Variants in SUDS3 observed in about 807,000 individuals in gnomAD.
The protein encoded by SUDS3 is sin3 histone deacetylase corepressor complex component SDS3.
A neutral mutation model predicts 53.5 loss-of-function variants in SUDS3; 23 were observed. The observed-to-expected ratio is 0.43, with a 90% CI of 0.31 to 0.61. The LOEUF is 0.61. Among genes scored for constraint, SUDS3 ranks in the 20% least tolerant of loss-of-function variants. The pLI, the probability that SUDS3 is intolerant of heterozygous loss-of-function variation, is 0.10. For missense variants in SUDS3, 291 were observed against 405.9 expected (o/e 0.72, Z 2.43); for synonymous variants, 150 against 148.5 (o/e 1.01, Z -0.08).
At chr12:118,381,955 A>G (rs1183339479) in intron 2 of SUDS3, among the ~76,000 whole-genome samples, 1 of 152,214 alleles carries the variant, frequency 6.6e-6, no homozygotes, top group Non-Finnish European at 1.5e-5. Flanking sequence ...TTTTGTGGCC[A>G]TCCTCTGGAT....
chr12:118,414,474 G>T lies in SUDS3; in HGVS notation c.*41G>T. On this transcript the variant is annotated 3_prime_UTR_variant, in exon 12 of 12. Transcript: ENST00000543473. ...TTCTCTTGACCCTTTTTCTGGAGTG[G>T]GTTTTATTTTTGTTTTGTTTCGTTT... The T allele has an allele frequency of 6.9e-7, 1 of 1,450,276 alleles. No homozygotes were observed. The highest frequency in any genetic ancestry group is 2.5e-5 in the East Asian group (1 of 39,592). The allele number at this position is 1,450,276 out of a possible 1,614,324, so 89.8% of individuals were successfully genotyped here.
Position 118,416,514 on chromosome 12 carries a change from G to T in SUDS3, c.*2081G>T, listed in dbSNP as rs934804948. 2 of 152,142 alleles carry T rather than the reference G, an allele frequency of 1.3e-5. No homozygotes were observed. Among genetic ancestry groups the T allele is most frequent in the African/African-American group, 4.8e-5 (2 of 41,426 alleles). 9.4% of individuals were successfully genotyped at this position (152,142 alleles called of 1,614,324 possible). On this transcript the variant is annotated 3_prime_UTR_variant, in exon 12 of 12. Coordinates refer to ENST00000543473, the MANE Select transcript of SUDS3 (RefSeq NM_022491.3). ...CGCCCTTAGTCATAGTCTCGACTCCGCCATTGCCTTCTCCTCGGCGTCCTC... is the reference window on the plus strand; with the variant it reads ...CGCCCTTAGTCATAGTCTCGACTCCTCCATTGCCTTCTCCTCGGCGTCCTC...
Position 118,414,941 on chromosome 12 carries a change from T to A in SUDS3, c.*508T>A, listed in dbSNP as rs1484424566. On this transcript the variant is annotated 3_prime_UTR_variant, in exon 12 of 12. Coordinates refer to ENST00000543473, the MANE Select transcript of SUDS3 (RefSeq NM_022491.3). ...TTGGGGCAGAGGTCCTAGCAGGAGA[T>A]GATGAATTCTCGTGGCTCTCGGCCT... 6.6e-6 allele frequency: 1 copy of A among 152,304 alleles called. No homozygotes were observed. The highest frequency in any genetic ancestry group is 1.5e-5 in the Non-Finnish European group (1 of 68,168). 9.4% of individuals were successfully genotyped at this position (152,304 alleles called of 1,614,324 possible).
chr12:118,387,205 T>G (rs1290754286), intron 4 of SUDS3, among the ~76,000 whole-genome samples: 1 of 152,204 alleles, frequency 6.6e-6, no homozygotes, highest in African/African-American at 2.4e-5. Context: ...CTCTCCCTGC[T>G]GTTACCCCCT....
At chr12:118,408,027 A>C (rs1258133999) in intron 10 of SUDS3, among the ~76,000 whole-genome samples, 1 of 151,864 alleles carries the variant, frequency 6.6e-6, no homozygotes, top group Non-Finnish European at 1.5e-5. Context: ...CAGCCTCCCA[A>C]GTAGCTGGGA....
At chr12:118,382,772 A>G (rs1341292328) in intron 2 of SUDS3, among the ~76,000 whole-genome samples, 1 of 148,744 alleles carries the variant, frequency 6.7e-6, no homozygotes, top group Non-Finnish European at 1.5e-5. Context: ...GGTTCAAGCT[A>G]TTCTTCTGCC....
intron 6 of SUDS3, among the ~76,000 whole-genome samples, chr12:118,400,023 C>T (rs2046250159): frequency 6.6e-6 from 1 of 151,920 alleles, no homozygotes; most frequent in Admixed American, 6.6e-5. Flanking sequence ...TTGGGAGGAG[C>T]TATTTGAAGG....
chr12:118,416,248 G>A lies in SUDS3; in HGVS notation c.*1815G>A, dbSNP rs138760591. On this transcript the variant is annotated 3_prime_UTR_variant, in exon 12 of 12. Transcript: ENST00000543473. The stretch of plus-strand genomic sequence containing the variant: ...GATATATTTCATGTATTTTTCCATT[G>A]AAGGTGGAGTTTTTCAATGATCATG... 35 of 152,316 alleles carry A rather than the reference G, an allele frequency of 2.3e-4. No homozygotes were observed. The highest frequency in any genetic ancestry group is 3.9e-4 in the Admixed American group (6 of 15,300). 9.4% of individuals were successfully genotyped at this position (152,316 alleles called of 1,614,324 possible).
chr12:118,378,736 C>T (rs1009663235), intron 1 of SUDS3, among the ~76,000 whole-genome samples: 2 of 151,974 alleles, frequency 1.3e-5, no homozygotes, highest in Admixed American at 6.6e-5. Context: ...AGTGCAATGG[C>T]GCGATCTCGG....
chr12:118,398,650 C>T (rs959219489), intron 6 of SUDS3, among the ~76,000 whole-genome samples: 11 of 128,980 alleles, frequency 8.5e-5, no homozygotes, highest in Non-Finnish European at 1.6e-4. Context: ...TTCTGTGGCA[C>T]ATGTATGACA....
chr12:118,407,963 G>A (rs369681275), intron 10 of SUDS3, among the ~76,000 whole-genome samples: 4 of 149,856 alleles, frequency 2.7e-5, no homozygotes, highest in Admixed American at 6.6e-5. Context: ...GTGCAGTGGC[G>A]CCATCTCAGC....
At chr12:118,411,008 T>G in intron 10 of SUDS3, 65 bp from the exon 11 acceptor site, 3 of 1,330,614 alleles carry the variant, frequency 2.3e-6, no homozygotes, top group South Asian at 1.3e-5. Context: ...GTTTTTGTTT[T>G]GTTTGGTTTT....
chr12:118,389,824 A>G (rs554423749), intron 4 of SUDS3, 103 bp from the exon 5 acceptor site: 4 of 1,392,042 alleles, frequency 2.9e-6, no homozygotes, highest in Admixed American at 3.6e-5. Flanking sequence ...GCTTTGTAAC[A>G]TGCTTTCAGA....
chr12:118,398,099 A>G (rs541652564), intron 6 of SUDS3, among the ~76,000 whole-genome samples: 2 of 152,230 alleles, frequency 1.3e-5, no homozygotes, highest in East Asian at 1.9e-4. Flanking sequence ...CTTGAGTTTT[A>G]AAAAGGATCT....
intron 10 of SUDS3, among the ~76,000 whole-genome samples, chr12:118,410,484 A>T (rs2046348022): frequency 6.6e-6 from 1 of 152,156 alleles, no homozygotes; most frequent in African/African-American, 2.4e-5. Flanking sequence ...TCCCTTCTGT[A>T]GAGGGACCAA....
At chr12:118,410,575 A>AT (rs201371537) in intron 10 of SUDS3, among the ~76,000 whole-genome samples, 126 of 131,700 alleles carry the variant, frequency 9.6e-4, no homozygotes, top group African/African-American at 3.2e-3. Flanking sequence ...TTATTTATTT[A>AT]TTTATTTTAT....
chr12:118,379,362 A>AG (rs1192352908), intron 1 of SUDS3, among the ~76,000 whole-genome samples: 2 of 152,078 alleles, frequency 1.3e-5, no homozygotes, highest in African/African-American at 4.8e-5. Context: ...GCTTGAACCC[A>AG]GGAGGTGGAG....
chr12:118,395,562 A>G (rs1006184907), intron 6 of SUDS3, among the ~76,000 whole-genome samples: 5 of 151,972 alleles, frequency 3.3e-5, no homozygotes, highest in Admixed American at 1.3e-4. Flanking sequence ...GGGTGCAGAG[A>G]GGAAGGCTCG....
chr12:118,411,199 T>C (rs2046356405), intron 11 of SUDS3, 42 bp downstream of exon 11: 5 of 1,535,690 alleles, frequency 3.3e-6, no homozygotes, highest in Non-Finnish European at 3.5e-6. Context: ...GCAAAATGTG[T>C]ACTGCGAAGT....
Sources: gnomAD v4.1 joint callset for allele counts (sites outside exome capture counted in the v4.1 genomes callset) on GRCh38, gnomAD v4.1.1 for gene constraint, MANE v1.5 for transcripts, NCBI Gene and HGNC (gene_info 2026-07-23, HGNC 2026-07-21) for gene names.